DDX46: variants seen among roughly 807,000 people sequenced by gnomAD.
DDX46 encodes DEAD-box helicase 46.
DDX46 carries 30 observed loss-of-function variants against 134.9 expected under a neutral mutation model. The observed-to-expected ratio is 0.22, with a 90% CI of 0.17 to 0.30. DDX46 has a LOEUF of 0.30. Ranked by LOEUF, DDX46 falls within the 10% of genes least tolerant of loss-of-function variation. The pLI, the probability that DDX46 is intolerant of heterozygous loss-of-function variation, is 1.00. For synonymous variants in DDX46, 415 were observed against 404.1 expected, an observed-to-expected ratio of 1.03 and a Z score of -0.32; for missense variants, 622 against 1,248.7, an observed-to-expected ratio of 0.50 and a Z score of 7.56.
At chr5:134,765,501 C>T (rs568011675) in intron 2 of DDX46, among the ~76,000 whole-genome samples, 117 of 151,846 alleles carry the variant, frequency 7.7e-4, no homozygotes, top group Admixed American at 3.2e-3. Flanking sequence ...TGTAGTGAGC[C>T]GACATGGTGC....
intron 18 of DDX46, among the ~76,000 whole-genome samples, chr5:134,815,122 C>T (rs1396984848): frequency 1.3e-5 from 2 of 152,186 alleles, no homozygotes; most frequent in African/African-American, 2.4e-5. Context: ...TGCTAGTGCA[C>T]GCTGTGGTCC....
At chr5:134,777,147 G>C (rs1230132077) in intron 5 of DDX46, among the ~76,000 whole-genome samples, 3 of 151,934 alleles carry the variant, frequency 2.0e-5, no homozygotes, top group African/African-American at 7.2e-5. Context: ...GAACCTGGGA[G>C]GCGGAGCTTG....
chr5:134,803,542 G>A (rs937904510), intron 15 of DDX46, among the ~76,000 whole-genome samples: 2 of 152,052 alleles, frequency 1.3e-5, no homozygotes, highest in Non-Finnish European at 2.9e-5. Context: ...GTCTGTGCAC[G>A]GCCTGCCCCT....
At chr5:134,793,457 C>G (rs1237108975) in intron 13 of DDX46, among the ~76,000 whole-genome samples, 1 of 152,040 alleles carries the variant, frequency 6.6e-6, no homozygotes, top group Non-Finnish European at 1.5e-5. Context: ...ACTCTGTCAC[C>G]TAGGCTGAAG....
rs767736548 is a variant in DDX46 at position 134,818,825 on chromosome 5, G to A, written c.2833-35G>A. 1.2e-5 allele frequency: 19 copies of A among 1,594,044 alleles called. 1 individual carries two copies. In the South Asian group the frequency reaches 1.7e-4, roughly 14 times the overall value. The stretch of plus-strand genomic sequence containing the variant: ...CTCCTGGATTTTTTTGTCCTGTTAT[G>A]AAGTGATTTTTCTTTTCCTTACCTT... On this transcript the variant is annotated intron_variant, in intron 20 of 22. Transcript: ENST00000452510.
chr5:134,773,587 CT>C, intron 4 of DDX46, 108 bp from the exon 5 acceptor site: 1 of 1,295,814 alleles, frequency 7.7e-7, no homozygotes, highest in Non-Finnish European at 1.0e-6. Flanking sequence ...CTTTTTTCCC[CT>C]TCTTTATACT....
intron 1 of DDX46, among the ~76,000 whole-genome samples, chr5:134,763,140 G>A (rs1753448187): frequency 1.3e-5 from 2 of 152,258 alleles, no homozygotes; most frequent in Middle Eastern, 3.4e-3. Flanking sequence ...GCTGAAGTGG[G>A]AGGATTGCTT....
chr5:134,772,223 ACT>A (rs928447239), intron 4 of DDX46, among the ~76,000 whole-genome samples: 2 of 138,910 alleles, frequency 1.4e-5, no homozygotes, highest in African/African-American at 5.5e-5. Context: ...CAAGAGCGAA[ACT>A]CTGTCTCAAA....
intron 10 of DDX46, among the ~76,000 whole-genome samples, chr5:134,785,194 A>T (rs972220132): frequency 3.9e-5 from 6 of 152,278 alleles, no homozygotes; most frequent in Admixed American, 2.6e-4. Flanking sequence ...AACTGTTTGC[A>T]TTCTTTTGAA....
chr5:134,801,952 G>A (rs1754840917), intron 15 of DDX46, among the ~76,000 whole-genome samples: 1 of 152,068 alleles, frequency 6.6e-6, no homozygotes, highest in Non-Finnish European at 1.5e-5. Context: ...TTTATTCTGT[G>A]TGGGGTTCAT....
chr5:134,796,830 G>A (rs1040337027), intron 15 of DDX46, among the ~76,000 whole-genome samples: 7 of 139,690 alleles, frequency 5.0e-5, no homozygotes, highest in African/African-American at 1.6e-4. Context: ...TCCACTCTGG[G>A]CAACAGAGTG....
chr5:134,799,312 T>C (rs1754758401), intron 15 of DDX46, among the ~76,000 whole-genome samples: 1 of 152,002 alleles, frequency 6.6e-6, no homozygotes. Flanking sequence ...CAAAACTTGT[T>C]TCACTTTTTT....
In DDX46 at chr5:134,831,056, A is replaced by G. The variant is rs549410056; in HGVS notation, c.*2350A>G. ...AATGATATATAGACTTTGTTTTTTT[A>G]ATGCAATATGAATATTTGCTCATGT... On this transcript the variant is annotated 3_prime_UTR_variant, in exon 23 of 23. Coordinates refer to ENST00000452510, the MANE Select transcript of DDX46 (RefSeq NM_001300860.2). The G allele has an allele frequency of 1.3e-4, 20 of 152,438 alleles. No homozygotes were observed. The highest frequency in any genetic ancestry group is 2.6e-4 in the Non-Finnish European group (18 of 68,022). The allele number at this position is 152,438 out of a possible 1,614,324, so 9.4% of individuals were successfully genotyped here. A position where few individuals can be genotyped will look rare whatever the true frequency, so the allele number is the denominator to read the frequency against.
intron 2 of DDX46, among the ~76,000 whole-genome samples, chr5:134,766,186 T>G (rs1023907115): frequency 6.6e-6 from 1 of 152,182 alleles, no homozygotes; most frequent in African/African-American, 2.4e-5. Flanking sequence ...AAACTAGATA[T>G]TCTATCTTAG....
At chr5:134,824,595 A>G (rs1382509415) in intron 21 of DDX46, among the ~76,000 whole-genome samples, 1 of 152,198 alleles carries the variant, frequency 6.6e-6, no homozygotes, top group East Asian at 1.9e-4. Context: ...AAAGAAAAGA[A>G]AAGAAAAAGA....
intron 15 of DDX46, among the ~76,000 whole-genome samples, chr5:134,806,715 T>C (rs915540478): frequency 6.6e-6 from 1 of 152,208 alleles, no homozygotes; most frequent in African/African-American, 2.4e-5. Context: ...ACAGTGTATG[T>C]TAAACCCAGA....
At chr5:134,772,602 C>G (rs1223196277) in intron 4 of DDX46, among the ~76,000 whole-genome samples, 20 of 152,130 alleles carry the variant, frequency 1.3e-4, no homozygotes, top group Admixed American at 1.3e-3. Context: ...TTTGGGAGTT[C>G]AAGCAGTTCC....
At chr5:134,772,204 C>G (rs1440726581) in intron 4 of DDX46, among the ~76,000 whole-genome samples, 1 of 151,384 alleles carries the variant, frequency 6.6e-6, no homozygotes, top group Non-Finnish European at 1.5e-5. Context: ...TGCACTCCAG[C>G]CTGGGCAACA....
chr5:134,785,671 T>G, intron 11 of DDX46, 85 bp downstream of exon 11: 1 of 1,456,642 alleles, frequency 6.9e-7, no homozygotes, highest in Non-Finnish European at 9.2e-7. Flanking sequence ...TTACTTTTAG[T>G]TTTTTGAATA....
Sources: gnomAD v4.1 joint callset for allele counts (sites outside exome capture counted in the v4.1 genomes callset) on GRCh38, gnomAD v4.1.1 for gene constraint, MANE v1.5 for transcripts, NCBI Gene and HGNC (gene_info 2026-07-23, HGNC 2026-07-21) for gene names.